Variants in ABR observed in about 807,000 individuals in gnomAD.
The protein encoded by ABR is ABR activator of RhoGEF and GTPase.
A neutral mutation model predicts 107.2 loss-of-function variants in ABR; 35 were observed. That is an observed-to-expected ratio of 0.33 (90% confidence interval 0.25 to 0.43). The LOEUF is 0.43. Among genes scored for constraint, ABR ranks in the 20% least tolerant of loss-of-function variants. The probability of loss-of-function intolerance (pLI) is 1.00; values close to 1 mark genes in which losing one functional copy is unlikely to be tolerated. For missense variants in ABR, 815 were observed against 1,115.2 expected, an observed-to-expected ratio of 0.73 and a Z score of 3.83; for synonymous variants, 498 against 462.0, an observed-to-expected ratio of 1.08 and a Z score of -1.00.
chr17:1,007,615 A>G (rs547700372), intron 21 of ABR, among the ~76,000 whole-genome samples: 10 of 152,322 alleles, frequency 6.6e-5, no homozygotes, highest in Non-Finnish European at 1.0e-4. Context: ...CTGAGAGCAG[A>G]TACTGTTCTG....
At chr17:1,094,241 G>T (rs73291617) in intron 3 of ABR, among the ~76,000 whole-genome samples, 5,905 of 152,268 alleles carry the variant, frequency 0.039, 373 homozygotes, top group African/African-American at 0.13. Flanking sequence ...GCTCTGCTGT[G>T]CGCACATCAC....
intron 1 of ABR, among the ~76,000 whole-genome samples, chr17:1,134,561 G>C (rs1396755420): frequency 6.6e-6 from 1 of 152,196 alleles, no homozygotes; most frequent in Non-Finnish European, 1.5e-5. Flanking sequence ...TGGGTTTTCT[G>C]CTGCTTACAA....
At chr17:1,091,236 GC>G (rs978318697) in intron 4 of ABR, among the ~76,000 whole-genome samples, 14 of 152,134 alleles carry the variant, frequency 9.2e-5, no homozygotes, top group Non-Finnish European at 1.9e-4. Context: ...GGAGACTGAA[GC>G]CCAGCAAGAA....
At chr17:1,167,222 C>G (rs1055927443) in intron 1 of ABR, among the ~76,000 whole-genome samples, 2 of 151,984 alleles carry the variant, frequency 1.3e-5, no homozygotes, top group African/African-American at 4.8e-5. Context: ...CCCTTCTGCC[C>G]TCCTAACACC....
intron 6 of ABR, among the ~76,000 whole-genome samples, chr17:1,074,700 A>C (rs1390436796): frequency 2.0e-5 from 3 of 152,224 alleles, no homozygotes; most frequent in Admixed American, 1.3e-4. Context: ...GGGAGGCTGG[A>C]GGCCAGGAGG....
At chr17:1,065,742 C>CTTTTTTTTT (rs56388222) in intron 10 of ABR, among the ~76,000 whole-genome samples, 1 of 116,346 alleles carries the variant, frequency 8.6e-6, no homozygotes, top group Non-Finnish European at 1.7e-5. Flanking sequence ...CAAACCAATG[C>CTTTTTTTTT]TTTTTTTTTT....
chr17:1,051,103 C>T lies in ABR; in HGVS notation c.1562-469G>A, dbSNP rs926471195. 1.3e-5 allele frequency among the ~76,000 whole-genome samples: 2 copies of T among 152,238 alleles called. No individual in the cohort carries two copies. The highest frequency in any genetic ancestry group is 1.9e-4 in the East Asian group (1 of 5,154). On this transcript the variant is annotated intron_variant, in intron 14 of 22. Coordinates refer to ENST00000302538, the MANE Select transcript of ABR (RefSeq NM_021962.5). This position sits in a 1 kb window ranked among gnomAD's most constrained non-coding sequence, Gnocchi z 4.3. ...CAACAGCGGCATTTGGGGTGGGAGG[C>T]GTTTAGCAGCCCTGCCTCTGGGTCC...
At chr17:1,054,199 TGA>T (rs2032938654) in intron 14 of ABR, among the ~76,000 whole-genome samples, 1 of 152,236 alleles carries the variant, frequency 6.6e-6, no homozygotes, top group Admixed American at 6.5e-5. Context: ...ACCGTGAGAC[TGA>T]GAGGCTCTGA....
rs567595144 is a variant in ABR, at chr17:1,091,532, C to T, written c.531+133G>A. The T allele has an allele frequency of 2.9e-6, 3 of 1,035,682 alleles. No homozygotes were observed. In the Admixed American group the frequency reaches 8.2e-5, roughly 28 times the overall value. 64.2% of individuals were successfully genotyped at this position (1,035,682 alleles called of 1,614,324 possible). A position where few individuals can be genotyped will look rare whatever the true frequency, so the allele number is the denominator to read the frequency against. ...CCCATAACACACAGGCCCAGGCCTT[C>T]CTCCCGGACTCGGAGAGGTCTCAGG... On this transcript the variant is annotated intron_variant, in intron 4 of 22. Coordinates refer to ENST00000302538, the MANE Select transcript of ABR (RefSeq NM_021962.5).
intron 10 of ABR, among the ~76,000 whole-genome samples, chr17:1,065,814 C>T (rs1247721543): frequency 6.9e-6 from 1 of 145,696 alleles, no homozygotes; most frequent in Non-Finnish European, 1.5e-5. Context: ...AGCGGAATCT[C>T]AGCTCAATGC....
intron 10 of ABR, among the ~76,000 whole-genome samples, chr17:1,065,612 C>T (rs1296753907): frequency 6.7e-6 from 1 of 148,932 alleles, no homozygotes; most frequent in Non-Finnish European, 1.5e-5. Flanking sequence ...CTCTAAACAG[C>T]ACTTTGGCTG....
intron 1 of ABR, among the ~76,000 whole-genome samples, chr17:1,195,426 T>A (rs949192942): frequency 2.0e-5 from 3 of 151,720 alleles, no homozygotes; most frequent in African/African-American, 4.8e-5. Context: ...CTACAGTGAT[T>A]AACTAGTCTC....
At chr17:1,198,477 T>C (rs553887987) in intron 1 of ABR, among the ~76,000 whole-genome samples, 2 of 151,524 alleles carry the variant, frequency 1.3e-5, no homozygotes, top group South Asian at 4.1e-4. Context: ...GCACAGTGGC[T>C]CAAACCTATA....
intron 16 of ABR, among the ~76,000 whole-genome samples, chr17:1,040,562 C>T (rs1481578929): frequency 3.3e-5 from 5 of 152,226 alleles, no homozygotes; most frequent in Admixed American, 2.6e-4. Context: ...ATAATGCTGC[C>T]TCGGCCAGCC....
intron 1 of ABR, among the ~76,000 whole-genome samples, chr17:1,211,274 G>A (rs377147998): frequency 3.3e-5 from 5 of 151,766 alleles, no homozygotes; most frequent in Admixed American, 6.6e-5. Flanking sequence ...GTGAGGCTCC[G>A]TCTCAAAAAA....
At chr17:1,176,964 A>G (rs982557129) in intron 1 of ABR, among the ~76,000 whole-genome samples, 1 of 152,102 alleles carries the variant, frequency 6.6e-6, no homozygotes, top group Non-Finnish European at 1.5e-5. Flanking sequence ...CATTGTTACC[A>G]GGAACAATGC....
intron 16 of ABR, among the ~76,000 whole-genome samples, chr17:1,023,094 A>AGCCACTGCCGGCCCCACGTCCACTCCAGC (rs2071837848): frequency 8.9e-6 from 1 of 111,834 alleles, no homozygotes; most frequent in African/African-American, 3.8e-5. Flanking sequence ...TCCACTGCAG[A>AGCCACTGCCGGCCCCACGTCCACTCCAGC]GCCTCTGCCG....
At position 1,005,192 on chromosome 17, in the gene ABR, A is replaced by C. The variant is rs2069931722; in HGVS notation, c.*888T>G. 5.0e-6 allele frequency: 2 copies of C among 398,634 alleles called. No individual in the cohort carries two copies. The highest frequency in any genetic ancestry group is 8.8e-6 in the Non-Finnish European group (2 of 226,154). 24.7% of individuals were successfully genotyped at this position (398,634 alleles called of 1,614,324 possible). ...CTGACCCTCTGGCTATCTCGATAGC[A>C]GGTCACCTGTGAGTCTTTACACTCA... On this transcript the variant is annotated 3_prime_UTR_variant, in exon 23 of 23. Transcript: ENST00000302538.
chr17:1,187,715 C>A (rs2042339697), upstream of ABR, among the ~76,000 whole-genome samples: 1 of 151,182 alleles, frequency 6.6e-6, no homozygotes, highest in Non-Finnish European at 1.5e-5. Flanking sequence ...TATGGTGTAA[C>A]CCCATCTCTA....
Sources: allele counts gnomAD v4.1 joint callset (sites outside exome capture counted in the v4.1 genomes callset), GRCh38; gene constraint gnomAD v4.1.1; non-coding constraint Gnocchi (gnomAD v3.1); transcripts MANE v1.5; gene names NCBI Gene and HGNC (gene_info 2026-07-23, HGNC 2026-07-21).